FRS2: variants seen among roughly 807,000 people sequenced by gnomAD.
FRS2 encodes FGFR signalling adaptor.
A neutral mutation model predicts 43.9 loss-of-function variants in FRS2; 8 were observed. That is an observed-to-expected ratio of 0.18 (90% CI 0.11 to 0.33). FRS2 has a LOEUF of 0.33. Ranked by LOEUF, FRS2 falls within the 10% of genes least tolerant of loss-of-function variation. The probability of loss-of-function intolerance (pLI) is 1.00; values close to 1 mark genes in which losing one functional copy is unlikely to be tolerated. For synonymous variants in FRS2, 219 were observed against 220.3 expected (o/e 0.99, Z 0.05); for missense variants, 534 against 627.6 (o/e 0.85, Z 1.59).
At chr12:69,523,367 AGGTTTGTTTTGT>A (rs1875882228) in intron 1 of FRS2, among the ~76,000 whole-genome samples, 1 of 152,062 alleles carries the variant, frequency 6.6e-6, no homozygotes, top group Non-Finnish European at 1.5e-5. Context: ...TGTTGGTTTA[AGGTTTGTTTTGT>A]CTGAAATTAG....
chr12:69,572,388 T>G (rs1880842370), intron 8 of FRS2, 107 bp downstream of exon 8: 1 of 883,726 alleles, frequency 1.1e-6, no homozygotes, highest in African/African-American at 1.7e-5. Context: ...CTTTATCTGT[T>G]TGTAAATTAC....
intron 1 of FRS2, among the ~76,000 whole-genome samples, chr12:69,494,383 A>C (rs1289564970): frequency 6.6e-6 from 1 of 152,160 alleles, no homozygotes; most frequent in Non-Finnish European, 1.5e-5. Context: ...TTTTCCTCCT[A>C]GCAATCTTTC....
At chr12:69,541,965 A>T (rs1445204827) in intron 3 of FRS2, among the ~76,000 whole-genome samples, 1 of 152,060 alleles carries the variant, frequency 6.6e-6, no homozygotes, top group Non-Finnish European at 1.5e-5. Flanking sequence ...ATTTAAAGGG[A>T]GATACTGGTT....
At chr12:69,539,200 G>A (rs1490901028) in intron 3 of FRS2, among the ~76,000 whole-genome samples, 1 of 152,012 alleles carries the variant, frequency 6.6e-6, no homozygotes, top group African/African-American at 2.4e-5. Context: ...TCAGCCTCCC[G>A]AGTAGCTGGG....
rs1010144417 is a variant in FRS2 at position 69,578,883 on chromosome 12, T to A, written c.*3928T>A. On this transcript the variant is annotated 3_prime_UTR_variant, in exon 9 of 9. Coordinates refer to ENST00000549921, the MANE Select transcript of FRS2 (RefSeq NM_001278356.2). Reference sequence around the variant, plus strand: ...CAAATTGTATATGAAATATGAATTTTACCCCCATGGTTAATTTCTTTTATA... The same window carrying A: ...CAAATTGTATATGAAATATGAATTTAACCCCCATGGTTAATTTCTTTTATA... 2.0e-5 allele frequency: 3 copies of A among 152,630 alleles called. No homozygotes were observed. The highest frequency in any genetic ancestry group is 7.2e-5 in the African/African-American group (3 of 41,454). 9.5% of individuals were successfully genotyped at this position (152,630 alleles called of 1,614,324 possible).
At chr12:69,470,718 G>T (rs1173126505) in intron 1 of FRS2, among the ~76,000 whole-genome samples, 188 bp downstream of exon 1, 1 of 152,214 alleles carries the variant, frequency 6.6e-6, no homozygotes, top group Non-Finnish European at 1.5e-5. Context: ...TGGGTCCATG[G>T]GGTGGGCGGG....
intron 7 of FRS2, among the ~76,000 whole-genome samples, 199 bp downstream of exon 7, chr12:69,571,633 G>T (rs555940877): frequency 6.6e-6 from 1 of 152,034 alleles, no homozygotes; most frequent in Non-Finnish European, 1.5e-5. Flanking sequence ...AGGCTGAGGC[G>T]GGCAGATCAC....
chr12:69,520,376 G>GTTTTTTT (rs112572825), intron 1 of FRS2, among the ~76,000 whole-genome samples: 4 of 110,036 alleles, frequency 3.6e-5, no homozygotes, highest in Non-Finnish European at 7.2e-5. Context: ...TCTATTATTA[G>GTTTTTTT]TTTTTTTTTT....
intron 4 of FRS2, among the ~76,000 whole-genome samples, chr12:69,565,757 A>G (rs1026405446): frequency 3.3e-5 from 5 of 152,180 alleles, no homozygotes; most frequent in African/African-American, 1.2e-4. Context: ...GCTGTCATCT[A>G]GGAAAACTGC....
At chr12:69,568,212 T>C (rs1880454052) in intron 4 of FRS2, among the ~76,000 whole-genome samples, 1 of 152,358 alleles carries the variant, frequency 6.6e-6, no homozygotes, top group South Asian at 2.1e-4. Context: ...GCCAGTATTC[T>C]GTGTGTTACT....
At chr12:69,475,228 T>C (rs1043008835) in intron 1 of FRS2, among the ~76,000 whole-genome samples, 1 of 152,234 alleles carries the variant, frequency 6.6e-6, no homozygotes, top group Non-Finnish European at 1.5e-5. Flanking sequence ...ATTTTTAGAC[T>C]GAGTTACCAT....
chr12:69,527,342 G>GTTTTTTTTTTTTTTT (rs1294936661), intron 1 of FRS2, among the ~76,000 whole-genome samples: 1 of 33,150 alleles, frequency 3.0e-5, no homozygotes, highest in African/African-American at 2.0e-4. Context: ...TTTTTTTAAT[G>GTTTTTTTTTTTTTTT]ATTTTTTTTT....
At chr12:69,556,716 C>T (rs966526363) in intron 3 of FRS2, among the ~76,000 whole-genome samples, 2 of 152,046 alleles carry the variant, frequency 1.3e-5, no homozygotes, top group African/African-American at 2.4e-5. Context: ...GATTTTCTTA[C>T]GTGTCTTTTA....
chr12:69,539,592 A>G lies in FRS2; in HGVS notation c.-122+7536A>G, dbSNP rs559251419. On this transcript the variant is annotated intron_variant, in intron 3 of 8. Transcript: ENST00000549921. Reference sequence around the variant, plus strand: ...TGTGGTGTCATGTTGGTGCTCAAAAATTCTCAGAATTTTCCAGTTAGGGAT... The same window carrying G: ...TGTGGTGTCATGTTGGTGCTCAAAAGTTCTCAGAATTTTCCAGTTAGGGAT... Among the ~76,000 whole-genome samples, 5 of 152,204 alleles carry G rather than the reference A, an allele frequency of 3.3e-5. No individual in the cohort carries two copies. The South Asian group carries it at 1.0e-3, about 32-fold the overall frequency.
intron 3 of FRS2, among the ~76,000 whole-genome samples, chr12:69,560,188 C>T (rs908974610): frequency 4.6e-5 from 7 of 152,162 alleles, no homozygotes; most frequent in East Asian, 1.9e-4. Flanking sequence ...ACAGTGCAAA[C>T]GTGTTCTTTG....
rs377766786 is a variant in FRS2, at chr12:69,574,708, C to G, written c.1280C>G (p.Pro427Arg). ...GTCTTTAACTTTGATATCAGACGCC[C>G]AAGTTTAGAACACAGGCAGCTTAAT... ...PTVFNFDIRR[P>R]SLEHRQLNYI... Residue 427 changes from proline to arginine, a missense_variant, in exon 9 of 9, where the codon CCA becomes CGA. Pro to Arg is a moderately radical substitution (Grantham distance 103). Coordinates refer to ENST00000549921, the MANE Select transcript of FRS2 (RefSeq NM_001278356.2). 11 of 1,613,972 alleles carry G rather than the reference C, an allele frequency of 6.8e-6. No individual in the cohort carries two copies. The highest frequency in any genetic ancestry group is 1.3e-5 in the African/African-American group (1 of 74,916).
At chr12:69,503,362 A>G (rs1873634502) in intron 1 of FRS2, among the ~76,000 whole-genome samples, 1 of 152,128 alleles carries the variant, frequency 6.6e-6, no homozygotes, top group South Asian at 2.1e-4. Flanking sequence ...GTTCAGGATT[A>G]TCCAGCTGGA....
chr12:69,473,953 C>T (rs1565708514), intron 1 of FRS2, among the ~76,000 whole-genome samples: 1 of 152,100 alleles, frequency 6.6e-6, no homozygotes, highest in African/African-American at 2.4e-5. Flanking sequence ...AGTGATTGTC[C>T]TGCTTCATCT....
rs556678 is a variant in FRS2 at position 69,579,227 on chromosome 12, C to T, written c.*4272C>T. ...GAGGAAGTGGGGATGGGACGATTGC[C>T]CTCTAGTTGTCCTTTGCATATGACT... On this transcript the variant is annotated 3_prime_UTR_variant, in exon 9 of 9. Coordinates refer to ENST00000549921, the MANE Select transcript of FRS2 (RefSeq NM_001278356.2). The T allele has an allele frequency of 0.093, 14,231 of 152,632 alleles. 873 individuals carry two copies. Among genetic ancestry groups the T allele is most frequent in the Non-Finnish European group, 0.14 (9,743 of 67,998 alleles). The allele number at this position is 152,632 out of a possible 1,614,324, so 9.5% of individuals were successfully genotyped here.
Sources: gnomAD v4.1 joint callset for allele counts (sites outside exome capture counted in the v4.1 genomes callset) on GRCh38, gnomAD v4.1.1 for gene constraint, MANE v1.5 for transcripts, NCBI Gene and HGNC (gene_info 2026-07-23, HGNC 2026-07-21) for gene names.